CARD6: variants seen among roughly 807,000 people sequenced by gnomAD.
The protein encoded by CARD6 is caspase recruitment domain-containing protein 6.
CARD6 carries 27 observed loss-of-function variants against 23.6 expected under a neutral mutation model. The ratio of observed to expected loss-of-function variants is 1.14; its 90% CI spans 0.84 to 1.58. The LOEUF is 1.58. CARD6 is among the 40% of genes most tolerant of loss of function. The pLI is 0.00. For missense variants in CARD6, 1,214 were observed against 1,209.9 expected (o/e 1.00, Z -0.05); for synonymous variants, 397 against 431.8 (o/e 0.92, Z 1.00).
In CARD6 at chr5:40,853,671, G is replaced by A; in HGVS notation, c.2339G>A (p.Gly780Asp). 1.2e-6 allele frequency: 2 copies of A among 1,614,206 alleles called. No homozygotes were observed. Among genetic ancestry groups the A allele is most frequent in the Non-Finnish European group, 8.5e-7 (1 of 1,180,038 alleles). The change falls in exon 3 of 3, where the codon GGT becomes GAT. Residue 780 changes from glycine to aspartate, a missense_variant. Gly to Asp is a moderately conservative substitution (Grantham distance 94). Coordinates refer to ENST00000254691, the MANE Select transcript of CARD6 (RefSeq NM_032587.4). ...CAGAATGCAGGGGCCCAGGGCCGAGGTAAAAGTTTTGGTATTCAATCCTTC... is the reference window on the plus strand; with the variant it reads ...CAGAATGCAGGGGCCCAGGGCCGAGATAAAAGTTTTGGTATTCAATCCTTC... ...PFQNAGAQGR[G>D]KSFGIQSFHP...
At chr5:40,849,718 A>G (rs921283015) in intron 2 of CARD6, among the ~76,000 whole-genome samples, 4 of 152,162 alleles carry the variant, frequency 2.6e-5, no homozygotes, top group Non-Finnish European at 4.4e-5. Flanking sequence ...GCTCATGCCT[A>G]CAATCCCAAC....
chr5:40,843,336 G>A lies in CARD6; in HGVS notation c.468G>A (p.Arg156=). ...TCAGGGACAAGAAAACTAGTTATAG[G>A]GAAACAGCTTTGTCTGCCAGGAAGA... is the stretch of plus-strand genomic sequence containing the variant. ...EFFRDKKTSY[R]ETALSARKNE... Residue 156 remains arginine, a synonymous_variant, in exon 2 of 3, where the codon AGG becomes AGA. Transcript: ENST00000254691. The A allele has an allele frequency of 6.2e-7, 1 of 1,614,068 alleles. No individual in the cohort carries two copies. The highest frequency in any genetic ancestry group is 1.1e-5 in the South Asian group (1 of 91,078).
At chr5:40,842,438 A>G (rs1579799468) in intron 1 of CARD6, among the ~76,000 whole-genome samples, 1 of 152,236 alleles carries the variant, frequency 6.6e-6, no homozygotes, top group African/African-American at 2.4e-5. Flanking sequence ...TCTAAAGCAC[A>G]CTATTCCAAA....
intron 2 of CARD6, among the ~76,000 whole-genome samples, chr5:40,845,773 A>C (rs1243715251): frequency 6.6e-6 from 1 of 151,848 alleles, no homozygotes; most frequent in African/African-American, 2.4e-5. Context: ...ACTGGGTTTC[A>C]CCACGTTGCC....
In CARD6 at chr5:40,852,421, G is replaced by T. The variant is rs779331588; in HGVS notation, c.1089G>T (p.Glu363Asp). ...DSKEDLLAGVENLEIRDIQTI... is the reference protein window; with the variant it reads ...DSKEDLLAGVDNLEIRDIQTI... ...AGGAGGATTTGCTGGCTGGAGTGGAGAATTTGGAAATTCGAGACATACAAA... is the reference window on the plus strand; with the variant it reads ...AGGAGGATTTGCTGGCTGGAGTGGATAATTTGGAAATTCGAGACATACAAA... The change falls in exon 3 of 3, where the codon GAG becomes GAT. Residue 363 changes from glutamate to aspartate, a missense_variant. Glu to Asp is a conservative substitution (Grantham distance 45). Coordinates refer to ENST00000254691, the MANE Select transcript of CARD6 (RefSeq NM_032587.4). 1 of 1,614,154 alleles carries T rather than the reference G, an allele frequency of 6.2e-7. No homozygotes were observed. The highest frequency in any genetic ancestry group is 1.7e-5 in the Admixed American group (1 of 59,984).
chr5:40,843,526 A>G lies in CARD6; in HGVS notation c.658A>G (p.Thr220Ala). The part of the protein sequence containing the change: ...GKEEYLGSVD[T>A]PEDAEATVEE... ...AGAGGAATATCTAGGATCTGTTGACACCCCTGAAGATGCAGAAGCCACTGT... is the reference window on the plus strand; with the variant it reads ...AGAGGAATATCTAGGATCTGTTGACGCCCCTGAAGATGCAGAAGCCACTGT... The change falls in exon 2 of 3, where the codon ACC becomes GCC. Residue 220 changes from threonine (T) to alanine (A), a missense_variant. Thr to Ala is a moderately conservative substitution (Grantham distance 58). Coordinates refer to ENST00000254691, the MANE Select transcript of CARD6 (RefSeq NM_032587.4). 6.2e-7 allele frequency: 1 copy of G among 1,606,674 alleles called. No individual in the cohort carries two copies. Among genetic ancestry groups the G allele is most frequent in the Non-Finnish European group, 8.5e-7 (1 of 1,177,850 alleles).
chr5:40,853,594 C>G lies in CARD6; in HGVS notation c.2262C>G (p.Gly754=), dbSNP rs750806911. 1 of 1,614,074 alleles carries G rather than the reference C, an allele frequency of 6.2e-7. No individual in the cohort carries two copies. Among genetic ancestry groups the G allele is most frequent in the African/African-American group, 1.3e-5 (1 of 74,918 alleles). ...HVSLKASWVM[G]RPFGSEQRPK... is the part of the protein sequence containing the mutation. ...CCTTGAAAGCCTCCTGGGTTATGGG[C>G]CGCCCCTTTGGGTCAGAGCAGAGGC... The change falls in exon 3 of 3, where the codon GGC becomes GGG. Residue 754 remains glycine (G), a synonymous_variant. Coordinates refer to ENST00000254691, the MANE Select transcript of CARD6 (RefSeq NM_032587.4).
chr5:40,853,609 A>G lies in CARD6; in HGVS notation c.2277A>G (p.Ser759=), dbSNP rs145200542. ...ASWVMGRPFG[S]EQRPKWFHPL... Reference sequence around the variant, plus strand: ...GGGTTATGGGCCGCCCCTTTGGGTCAGAGCAGAGGCCTAAGTGGTTCCATC... The same window carrying G: ...GGGTTATGGGCCGCCCCTTTGGGTCGGAGCAGAGGCCTAAGTGGTTCCATC... Residue 759 remains serine, a synonymous_variant, in exon 3 of 3, where the codon TCA becomes TCG. Coordinates refer to ENST00000254691, the MANE Select transcript of CARD6 (RefSeq NM_032587.4). 1.7e-5 allele frequency: 27 copies of G among 1,614,142 alleles called. No individual in the cohort carries two copies. The African/African-American group carries it at 2.9e-4, about 18-fold the overall frequency.
At chr5:40,851,239 G>A (rs185664199) in intron 2 of CARD6, among the ~76,000 whole-genome samples, 2 of 151,866 alleles carry the variant, frequency 1.3e-5, no homozygotes, top group Non-Finnish European at 2.9e-5. Context: ...CTGAGGCTGG[G>A]AGAATTACTT....
In CARD6 at chr5:40,853,335, A is replaced by C. The variant is rs1413316768; in HGVS notation, c.2003A>C (p.Gln668Pro). Residue 668 changes from glutamine to proline, a missense_variant, in exon 3 of 3, where the codon CAA (glutamine) becomes CCA (proline). Transcript: ENST00000254691. ...DEDFENTQRI[Q>P]VSSGENMAGT... ...GACTTTGAAAACACTCAGAGAATTC[A>C]AGTTTCCTCTGGAGAAAACATGGCT... The C allele has an allele frequency of 2.5e-6, 4 of 1,614,160 alleles. No individual in the cohort carries two copies. Among genetic ancestry groups the C allele is most frequent in the Non-Finnish European group, 3.4e-6 (4 of 1,180,000 alleles).
rs149310659 is a variant in CARD6, at chr5:40,854,283, C to T, written c.2951C>T (p.Pro984Leu). 5 of 1,614,016 alleles carry T rather than the reference C, an allele frequency of 3.1e-6. No individual in the cohort carries two copies. In the African/African-American group the frequency reaches 6.7e-5, roughly 22 times the overall value. ...SCQSQPSQTK[P>L]SPCKSTQPKP... ...CAGTCCCAGCCCTCCCAAACTAAAC[C>T]TTCTCCATGCAAATCTACTCAGCCT... The change falls in exon 3 of 3, where the codon CCT (proline) becomes CTT (leucine). Residue 984 changes from proline to leucine, a missense_variant. Physicochemically the swap from Pro to Leu is moderately conservative, Grantham distance 98. Transcript: ENST00000254691.
intron 1 of CARD6, among the ~76,000 whole-genome samples, 184 bp downstream of exon 1, chr5:40,841,849 T>C (rs981040116): frequency 1.3e-5 from 2 of 152,248 alleles, no homozygotes; most frequent in African/African-American, 4.8e-5. Context: ...TAACATCTTA[T>C]TGGTCTACTG....
chr5:40,843,745 A>G, intron 2 of CARD6, 36 bp downstream of exon 2: 1 of 1,374,650 alleles, frequency 7.3e-7, no homozygotes, highest in South Asian at 1.6e-5. Flanking sequence ...TTAGGCAACA[A>G]CTTAATAAGT....
At chr5:40,848,289 A>T (rs1745998398) in intron 2 of CARD6, among the ~76,000 whole-genome samples, 1 of 148,706 alleles carries the variant, frequency 6.7e-6, no homozygotes, top group African/African-American at 2.5e-5. Context: ...GGCTCACTGC[A>T]GCCTCAGTCT....
At chr5:40,846,846 G>A (rs1745975085) in intron 2 of CARD6, among the ~76,000 whole-genome samples, 1 of 152,014 alleles carries the variant, frequency 6.6e-6, no homozygotes. Context: ...CATTACTGGG[G>A]GACTTCATAT....
At chr5:40,844,170 G>C (rs1000431972) in intron 2 of CARD6, among the ~76,000 whole-genome samples, 2 of 152,106 alleles carry the variant, frequency 1.3e-5, no homozygotes, top group Non-Finnish European at 2.9e-5. Flanking sequence ...TTGTTACTTG[G>C]CTTGATCCAG....
At chr5:40,844,536 T>C (rs970109405) in intron 2 of CARD6, among the ~76,000 whole-genome samples, 3 of 152,206 alleles carry the variant, frequency 2.0e-5, no homozygotes, top group Non-Finnish European at 4.4e-5. Context: ...TAGCCAAATC[T>C]GAATATTTCT....
At chr5:40,847,339 T>C (rs911578360) in intron 2 of CARD6, among the ~76,000 whole-genome samples, 4 of 152,340 alleles carry the variant, frequency 2.6e-5, no homozygotes, top group Admixed American at 2.6e-4. Flanking sequence ...AAGTTCAACT[T>C]GTATAGACAG....
chr5:40,853,851 A>G lies in CARD6; in HGVS notation c.2519A>G (p.Glu840Gly), dbSNP rs763355913. 1.2e-6 allele frequency: 2 copies of G among 1,614,168 alleles called. No homozygotes were observed. Among genetic ancestry groups the G allele is most frequent in the Non-Finnish European group, 1.7e-6 (2 of 1,180,026 alleles). Residue 840 changes from glutamate to glycine, a missense_variant, in exon 3 of 3, where the codon GAA (glutamate) becomes GGA (glycine). Transcript: ENST00000254691. Reference sequence around the variant, plus strand: ...AGACCACAAATGATGGGAACTCTTGAAAGGTCTAGGGCAGTAGCCTCCAAG... The same window carrying G: ...AGACCACAAATGATGGGAACTCTTGGAAGGTCTAGGGCAGTAGCCTCCAAG... ...PERPQMMGTL[E>G]RSRAVASKIG...
Sources: allele counts gnomAD v4.1 joint callset (sites outside exome capture counted in the v4.1 genomes callset), GRCh38; gene constraint gnomAD v4.1.1; transcripts MANE v1.5; gene names NCBI Gene and HGNC (gene_info 2026-07-23, HGNC 2026-07-21).